Variants in MYO7B observed in about 807,000 individuals in gnomAD.
MYO7B encodes myosin VIIB.
A neutral mutation model predicts 259.7 loss-of-function variants in MYO7B; 212 were observed. The ratio of observed to expected loss-of-function variants is 0.82; its 90% CI spans 0.73 to 0.91. The LOEUF (loss-of-function observed/expected upper bound fraction) is 0.91, where lower values mean the gene tolerates loss of function less well. Ranked by LOEUF, MYO7B falls within the 40% of genes least tolerant of loss-of-function variation. The probability of loss-of-function intolerance (pLI) is 0.00; values close to 1 mark genes in which losing one functional copy is unlikely to be tolerated. For missense variants in MYO7B, 2,732 were observed against 2,813.5 expected (o/e 0.97, Z 0.66); for synonymous variants, 1,197 against 1,166.4 (o/e 1.03, Z -0.54).
chr2:127,596,407 C>G, intron 18 of MYO7B, 55 bp from the exon 19 acceptor site: 4 of 1,409,516 alleles, frequency 2.8e-6, no homozygotes, highest in Non-Finnish European at 4.0e-6. Flanking sequence ...TGGCCCCAGG[C>G]AGGGGCTGTA....
chr2:127,635,744 G>T lies in MYO7B; in HGVS notation c.5843G>T (p.Gly1948Val). The change falls in exon 44 of 48, where the codon GGA becomes GTA. Residue 1948 changes from glycine (G) to valine (V), a missense_variant. Coordinates refer to ENST00000409816, the MANE Select transcript of MYO7B (RefSeq NM_001393586.1). Reference sequence around the variant, plus strand: ...CAGGAGCTGCCCAAGTACCTGCGCGGATTCCACAAGTGTTCGCGGGAGGAT... The same window carrying T: ...CAGGAGCTGCCCAAGTACCTGCGCGTATTCCACAAGTGTTCGCGGGAGGAT... ...YHQELPKYLR[G>V]FHKCSREDAI... 1 of 1,604,416 alleles carries T rather than the reference G, an allele frequency of 6.2e-7. No individual in the cohort carries two copies. The highest frequency in any genetic ancestry group is 8.5e-7 in the Non-Finnish European group (1 of 1,175,758).
chr2:127,591,951 G>A (rs1428847735), intron 16 of MYO7B, among the ~76,000 whole-genome samples: 1 of 152,266 alleles, frequency 6.6e-6, no homozygotes, highest in Non-Finnish European at 1.5e-5. Context: ...CATCTCCAGG[G>A]AGGGAGAGAC....
At chr2:127,568,995 G>C (rs917052508) in intron 5 of MYO7B, among the ~76,000 whole-genome samples, 1 of 152,016 alleles carries the variant, frequency 6.6e-6, no homozygotes, top group Non-Finnish European at 1.5e-5. Context: ...ATCATCTGAG[G>C]TCAGGAGTTT....
intron 1 of MYO7B, among the ~76,000 whole-genome samples, chr2:127,543,930 A>G (rs1693113137): frequency 6.6e-6 from 1 of 151,886 alleles, no homozygotes; most frequent in Non-Finnish European, 1.5e-5. Context: ...TATTTTTAGT[A>G]GAGACAGGGT....
chr2:127,556,209 A>G (rs1282758652), intron 1 of MYO7B, among the ~76,000 whole-genome samples: 1 of 152,210 alleles, frequency 6.6e-6, no homozygotes, highest in Non-Finnish European at 1.5e-5. Context: ...TGATATAAGA[A>G]TAACTACTCC....
intron 8 of MYO7B, 89 bp from the exon 9 acceptor site, chr2:127,578,044 T>C: frequency 1.3e-6 from 2 of 1,511,696 alleles, no homozygotes; most frequent in South Asian, 1.2e-5. Context: ...CCATTGCCTA[T>C]GAAGTGCAGT....
chr2:127,623,974 C>T, intron 29 of MYO7B, 119 bp from the exon 30 acceptor site: 2 of 914,236 alleles, frequency 2.2e-6, no homozygotes, highest in South Asian at 1.7e-5. Context: ...CCACTCAGCC[C>T]ACGCTGGGCT....
intron 2 of MYO7B, among the ~76,000 whole-genome samples, chr2:127,560,744 G>C (rs1358356265): frequency 6.6e-6 from 1 of 152,184 alleles, no homozygotes; most frequent in African/African-American, 2.4e-5. Flanking sequence ...CAGGAGAGCA[G>C]GACAGTGCTG....
At position 127,569,882 on chromosome 2, in the gene MYO7B, G is replaced by A. The variant is rs1678516534; in HGVS notation, c.564G>A (p.Gln188=). ...GCCAGCATTCGTGGATTGAGCAGCA[G>A]GTCCTGGAAGCCAACCCCATCCTGG... ...ISGQHSWIEQ[Q]VLEANPILEA... The change falls in exon 6 of 48, where the codon CAG becomes CAA. Residue 188 remains glutamine (Q), a synonymous_variant. Transcript: ENST00000409816. The A allele has an allele frequency of 2.5e-6, 4 of 1,613,068 alleles. No homozygotes were observed. Among genetic ancestry groups the A allele is most frequent in the East Asian group, 4.5e-5 (2 of 44,860 alleles).
intron 9 of MYO7B, among the ~76,000 whole-genome samples, chr2:127,580,033 T>C (rs371655492): frequency 6.6e-6 from 1 of 152,250 alleles, no homozygotes; most frequent in African/African-American, 2.4e-5. Context: ...CTCGGAGGGC[T>C]GTGGGTGCTG....
At chr2:127,583,174 T>C (rs1679169857) in intron 12 of MYO7B, among the ~76,000 whole-genome samples, 1 of 152,160 alleles carries the variant, frequency 6.6e-6, no homozygotes, top group South Asian at 2.1e-4. Context: ...GACCACTGGC[T>C]CCAGGAAGCA....
At position 127,623,264 on chromosome 2, in the gene MYO7B, C is replaced by T. The variant is rs192739142; in HGVS notation, c.3708C>T (p.Thr1236=). Reference sequence around the variant, plus strand: ...TCTTGGCCACTGGAGAGAGCCTAACCGTCCCCGTGGACTCAGCCTCCACAT... The same window carrying T: ...TCTTGGCCACTGGAGAGAGCCTAACTGTCCCCGTGGACTCAGCCTCCACAT... ...QVILATGESL[T]VPVDSASTSR... is the part of the protein sequence containing the mutation. Residue 1236 remains threonine (T), a synonymous_variant, in exon 29 of 48, where the codon ACC becomes ACT. Transcript: ENST00000409816. The T allele has an allele frequency of 8.3e-5, 134 of 1,613,656 alleles. No homozygotes were observed. The African/African-American group carries it at 1.5e-3, about 18-fold the overall frequency.
intron 40 of MYO7B, 59 bp from the exon 41 acceptor site, chr2:127,634,117 C>A: frequency 7.3e-7 from 1 of 1,369,252 alleles, no homozygotes; most frequent in East Asian, 2.5e-5. Context: ...GAAGGCTCAT[C>A]CTGGGCTGTA....
intron 1 of MYO7B, among the ~76,000 whole-genome samples, chr2:127,537,400 A>G (rs958021301): frequency 1.3e-5 from 2 of 152,222 alleles, no homozygotes; most frequent in Non-Finnish European, 2.9e-5. Flanking sequence ...AGGAGCTCAG[A>G]CAAAACCAAT....
intron 1 of MYO7B, among the ~76,000 whole-genome samples, chr2:127,537,348 G>C (rs902324905): frequency 2.6e-5 from 4 of 152,196 alleles, no homozygotes; most frequent in African/African-American, 9.7e-5. Flanking sequence ...TGGAACTTCA[G>C]CATGAGTGAC....
chr2:127,543,758 T>A (rs1159030589), intron 1 of MYO7B, among the ~76,000 whole-genome samples: 5 of 142,190 alleles, frequency 3.5e-5, no homozygotes, highest in African/African-American at 1.1e-4. Flanking sequence ...ATATATTTTT[T>A]TTTTGAGACC....
chr2:127,635,495 TGCAGGGCCA>T, intron 43 of MYO7B: 1 of 638,232 alleles, frequency 1.6e-6, no homozygotes, highest in Non-Finnish European at 2.7e-6. Flanking sequence ...GGCCGTGGCC[TGCAGGGCCA>T]ACCACATGGG....
rs1254431484 is a variant in MYO7B, at chr2:127,609,699, A to G, written c.3008A>G (p.Asp1003Gly). 1.2e-6 allele frequency: 2 copies of G among 1,613,918 alleles called. No individual in the cohort carries two copies. The highest frequency in any genetic ancestry group is 8.5e-7 in the Non-Finnish European group (1 of 1,179,858). ...CGATACCCGTTGCTTTACCACGAAG[A>G]TGACACTGACTGCTTGGTACCAGGG... ...PLRYPLLYHE[D>G]DTDCLAALVI... Residue 1003 changes from aspartate to glycine, a missense_variant, in exon 23 of 48, where the codon GAT (aspartate) becomes GGT (glycine). Physicochemically the swap from Asp to Gly is moderately conservative, Grantham distance 94. Coordinates refer to ENST00000409816, the MANE Select transcript of MYO7B (RefSeq NM_001393586.1). The surrounding 1 kb of genome is among the most constrained non-coding windows in gnomAD (Gnocchi z 6.9).
At chr2:127,629,244 G>A (rs911800818) in intron 34 of MYO7B, among the ~76,000 whole-genome samples, 4 of 152,194 alleles carry the variant, frequency 2.6e-5, no homozygotes, top group South Asian at 2.1e-4. Context: ...CACGGCCACC[G>A]CAGGAGGGAA....
Sources: gnomAD v4.1 joint callset for allele counts (sites outside exome capture counted in the v4.1 genomes callset) on GRCh38, gnomAD v4.1.1 for gene constraint, Gnocchi (gnomAD v3.1) non-coding constraint, MANE v1.5 for transcripts, NCBI Gene and HGNC (gene_info 2026-07-23, HGNC 2026-07-21) for gene names.